Variants in HSD11B1L observed in about 807,000 individuals in gnomAD.
HSD11B1L encodes the protein hydroxysteroid 11-beta-dehydrogenase 1-like protein.
In HSD11B1L, 22 loss-of-function variants were observed where a neutral mutation model predicts 27.0. The ratio of observed to expected loss-of-function variants is 0.81; its 90% CI spans 0.58 to 1.16. The LOEUF (loss-of-function observed/expected upper bound fraction) is 1.16. HSD11B1L is among the 50% of genes most tolerant of loss of function. HSD11B1L has a pLI of 0.00. For missense variants in HSD11B1L, 372 were observed against 401.8 expected, an observed-to-expected ratio of 0.93 and a Z score of 0.63; for synonymous variants, 187 against 189.2, an observed-to-expected ratio of 0.99 and a Z score of 0.09.
rs1216216995 is a variant in HSD11B1L, at chr19:5,681,170, G to C, written c.-116G>C. 6.6e-6 allele frequency: 1 copy of C among 152,466 alleles called. No individual in the cohort carries two copies. The highest frequency in any genetic ancestry group is 1.5e-5 in the Non-Finnish European group (1 of 68,114). 9.4% of individuals were successfully genotyped at this position (152,466 alleles called of 1,614,324 possible). On this transcript the variant is annotated 5_prime_UTR_variant, in exon 1 of 8. Transcript: ENST00000339423. ...GGGAGGGGGTGCGGTCGGGGACCCG[G>C]CAGGAGGCGGCCGAGAAGAGAGGAC...
In HSD11B1L at chr19:5,688,321, C is replaced by A; in HGVS notation, c.*376C>A. On this transcript the variant is annotated 3_prime_UTR_variant, in exon 8 of 8. Transcript: ENST00000339423. ...CCTTTAAGTCCCTGATTTATTCTTTCCATTCATTCCATCTGGGAGGAACCC... is the reference window on the plus strand; with the variant it reads ...CCTTTAAGTCCCTGATTTATTCTTTACATTCATTCCATCTGGGAGGAACCC... The A allele has an allele frequency of 3.6e-6, 3 of 835,062 alleles. No homozygotes were observed. The highest frequency in any genetic ancestry group is 3.6e-6 in the Non-Finnish European group (2 of 549,304). The allele number at this position is 835,062 out of a possible 1,614,324, so 51.7% of individuals were successfully genotyped here.
chr19:5,686,270 A>T, intron 3 of HSD11B1L, 146 bp from the exon 4 acceptor site: 1 of 592,308 alleles, frequency 1.7e-6, no homozygotes, highest in Non-Finnish European at 2.9e-6. Flanking sequence ...GCAGTGGTAA[A>T]TTTTTGGGAA....
In HSD11B1L at chr19:5,687,086, G is replaced by A; in HGVS notation, c.408+95G>A. 1 of 1,234,696 alleles carries A rather than the reference G, an allele frequency of 8.1e-7. No individual in the cohort carries two copies. The highest frequency in any genetic ancestry group is 1.1e-6 in the Non-Finnish European group (1 of 882,952). 76.5% of individuals were successfully genotyped at this position (1,234,696 alleles called of 1,614,324 possible). A position where few individuals can be genotyped will look rare whatever the true frequency, so the allele number is the denominator to read the frequency against. The stretch of plus-strand genomic sequence containing the variant: ...TCCGGGTTCTGCCTTCTCCAGGGAG[G>A]GCTCTCCACCCGTCCCGCCCCAGCC... On this transcript the variant is annotated intron_variant, in intron 5 of 7. Coordinates refer to ENST00000339423, the MANE Select transcript of HSD11B1L (RefSeq NM_198706.3). The surrounding 1 kb of genome is among the most constrained non-coding windows in gnomAD (Gnocchi z 6.6).
In HSD11B1L at chr19:5,688,133, G is replaced by T; in HGVS notation, c.*188G>T. On this transcript the variant is annotated 3_prime_UTR_variant, in exon 8 of 8. Transcript: ENST00000339423. ...ACCAGTCACGGCTTGGGAGGTGCAG[G>T]TGCCCCGTGTTAGGCGCCTTTGTCG... The T allele has an allele frequency of 6.4e-7, 1 of 1,551,238 alleles. No individual in the cohort carries two copies. The highest frequency in any genetic ancestry group is 1.4e-5 in the African/African-American group (1 of 73,178).
chr19:5,687,255 C>T lies in HSD11B1L; in HGVS notation c.409-27C>T, dbSNP rs1301283580. 1 of 1,609,176 alleles carries T rather than the reference C, an allele frequency of 6.2e-7. No individual in the cohort carries two copies. Among genetic ancestry groups the T allele is most frequent in the Admixed American group, 1.7e-5 (1 of 59,864 alleles). On this transcript the variant is annotated intron_variant, in intron 5 of 7. Coordinates refer to ENST00000339423, the MANE Select transcript of HSD11B1L (RefSeq NM_198706.3). The surrounding 1 kb of genome is among the most constrained non-coding windows in gnomAD (Gnocchi z 6.6). ...GCCCTGCCCCTGGGCTCCGCCTCTG[C>T]CGGTGACTCGCGAGTGCCGCCTGCA... is the stretch of plus-strand genomic sequence containing the variant.
chr19:5,685,277 G>A lies in HSD11B1L; in HGVS notation c.204+158G>A, dbSNP rs566574900. 3.6e-3 allele frequency: 3,772 copies of A among 1,050,890 alleles called. 19 individuals carry two copies. Among genetic ancestry groups the A allele is most frequent in the Non-Finnish European group, 4.5e-3 (3,205 of 704,414 alleles). The allele number at this position is 1,050,890 out of a possible 1,614,324, so 65.1% of individuals were successfully genotyped here. A position where few individuals can be genotyped will look rare whatever the true frequency, so the allele number is the denominator to read the frequency against. On this transcript the variant is annotated intron_variant, in intron 3 of 7. Transcript: ENST00000339423. This position sits in a 1 kb window ranked among gnomAD's most constrained non-coding sequence, Gnocchi z 4.3. ...TCAGTTTCCTCATTTGCAAAACGGG[G>A]ACAATAAAACCACTTTCTGGCCAGG... is the stretch of plus-strand genomic sequence containing the variant.
chr19:5,685,537 C>T lies in HSD11B1L; in HGVS notation c.204+418C>T, dbSNP rs2054666284. On this transcript the variant is annotated intron_variant, in intron 3 of 7. Transcript: ENST00000339423. This position sits in a 1 kb window ranked among gnomAD's most constrained non-coding sequence, Gnocchi z 4.3. ...AACCAGCCTGGCCAACATGGTGAAA[C>T]CCTGTCTCTACTAAAAATACAAAAA... 4.8e-6 allele frequency: 1 copy of T among 210,036 alleles called. No homozygotes were observed. The allele number at this position is 210,036 out of a possible 1,614,324, so 13.0% of individuals were successfully genotyped here.
chr19:5,687,911 G>T lies in HSD11B1L; in HGVS notation c.827G>T (p.Arg276Leu), dbSNP rs186351373. The T allele has an allele frequency of 2.5e-6, 4 of 1,571,870 alleles. No homozygotes were observed. In the African/African-American group the frequency reaches 5.4e-5, roughly 21 times the overall value. ...CCGCGCCCGCGGGCCTGGTTTATCC[G>T]CCAGGAGCTCAACGTCACGGCCGCG... ...WLPRPRAWFI[R>L]QELNVTAAAA Residue 276 changes from arginine (R) to leucine (L), a missense_variant, in exon 8 of 8, where the codon CGC becomes CTC. Transcript: ENST00000339423. The surrounding 1 kb of genome is among the most constrained non-coding windows in gnomAD (Gnocchi z 6.6).
At chr19:5,684,491 G>A in intron 1 of HSD11B1L, 1 of 488,332 alleles carries the variant, frequency 2.0e-6, no homozygotes, top group Non-Finnish European at 3.7e-6. Flanking sequence ...AGCGGAGTGA[G>A]CAAGGAGGAC....
chr19:5,682,420 GGAGA>G (rs1179753744), intron 1 of HSD11B1L, among the ~76,000 whole-genome samples: 1 of 152,056 alleles, frequency 6.6e-6, no homozygotes, highest in Non-Finnish European at 1.5e-5. Flanking sequence ...TGGGAGTCCT[GGAGA>G]GAGAGAGGAA....
rs907030316 is a variant in HSD11B1L at position 5,685,080 on chromosome 19, C to T, written c.165C>T (p.His55=). 3.2e-6 allele frequency: 5 copies of T among 1,551,948 alleles called. No individual in the cohort carries two copies. In the East Asian group the frequency reaches 7.3e-5, roughly 23 times the overall value. The part of the protein sequence containing the change: ...LAYHYARLGS[H]LVLTAHTEAL... ...ATCACTACGCGCGTCTGGGCTCCCA[C>T]CTGGTGCTCACTGCCCACACTGAGG... Residue 55 remains histidine, a synonymous_variant, in exon 3 of 8, where the codon CAC becomes CAT. Coordinates refer to ENST00000339423, the MANE Select transcript of HSD11B1L (RefSeq NM_198706.3). The surrounding 1 kb of genome is among the most constrained non-coding windows in gnomAD (Gnocchi z 4.3).
rs528978775 is a variant in HSD11B1L, at chr19:5,685,599, G to A, written c.204+480G>A. On this transcript the variant is annotated intron_variant, in intron 3 of 7. Transcript: ENST00000339423. This position sits in a 1 kb window ranked among gnomAD's most constrained non-coding sequence, Gnocchi z 4.3. ...ATAAATAAATAAAAAATTAGCCGGC[G>A]TGGTGTCAGGCACCTGTAATCCCAG... 33 of 187,770 alleles carry A rather than the reference G, an allele frequency of 1.8e-4. No homozygotes were observed. The highest frequency in any genetic ancestry group is 4.8e-4 in the South Asian group (6 of 12,580). The allele number at this position is 187,770 out of a possible 1,614,324, so 11.6% of individuals were successfully genotyped here.
Position 5,686,992 on chromosome 19 carries a change from G to A in HSD11B1L, c.408+1G>A, listed in dbSNP as rs1465107076. ...CCAGGCAACTCGCTGGCTCATGCAG[G>A]TGCTCCGCTCCTCCGCGGCCCCGGC... On this transcript the variant is annotated splice_donor_variant, in intron 5 of 7. Coordinates refer to ENST00000339423, the MANE Select transcript of HSD11B1L (RefSeq NM_198706.3). LOFTEE classifies it high-confidence loss of function. The A allele has an allele frequency of 6.5e-7, 1 of 1,544,464 alleles. No individual in the cohort carries two copies. The highest frequency in any genetic ancestry group is 2.0e-5 in the Admixed American group (1 of 50,968).
In HSD11B1L at chr19:5,687,500, C is replaced by T; in HGVS notation, c.503-3C>T. 6.3e-7 allele frequency: 1 copy of T among 1,595,204 alleles called. No individual in the cohort carries two copies. The highest frequency in any genetic ancestry group is 8.5e-7 in the Non-Finnish European group (1 of 1,176,906). On this transcript the variant is annotated splice_region_variant and splice_polypyrimidine_tract_variant and intron_variant, in intron 6 of 7. Transcript: ENST00000339423. The surrounding 1 kb of genome is among the most constrained non-coding windows in gnomAD (Gnocchi z 6.6). The stretch of plus-strand genomic sequence containing the variant: ...ACTCAGCCGCTGCCGTCCGCGCCCC[C>T]AGGCCGCGTGCCCACGTCGTTCTCC...
At chr19:5,681,694 T>C (rs755001969) in intron 1 of HSD11B1L, among the ~76,000 whole-genome samples, 56 of 148,536 alleles carry the variant, frequency 3.8e-4, no homozygotes, top group Non-Finnish European at 6.7e-4. Context: ...ATCCATCCAT[T>C]TATGTGTTCC....
chr19:5,685,493 C>T lies in HSD11B1L; in HGVS notation c.204+374C>T. The T allele has an allele frequency of 2.9e-6, 1 of 345,504 alleles. No individual in the cohort carries two copies. Among genetic ancestry groups the T allele is most frequent in the Non-Finnish European group, 5.7e-6 (1 of 176,140 alleles). The allele number at this position is 345,504 out of a possible 1,614,324, so 21.4% of individuals were successfully genotyped here. On this transcript the variant is annotated intron_variant, in intron 3 of 7. Coordinates refer to ENST00000339423, the MANE Select transcript of HSD11B1L (RefSeq NM_198706.3). The surrounding 1 kb of genome is among the most constrained non-coding windows in gnomAD (Gnocchi z 4.3). ...TTGGGAGGCCAAGGCGGATGGATCA[C>T]TTGAGGTCAGGAGTTCAAAACCAGC...
chr19:5,682,790 C>G (rs2054589223), intron 1 of HSD11B1L, among the ~76,000 whole-genome samples: 1 of 151,554 alleles, frequency 6.6e-6, no homozygotes, highest in Admixed American at 6.6e-5. Context: ...CTGGAAGTCC[C>G]CTTCCCCTTG....
chr19:5,685,182 G>A lies in HSD11B1L; in HGVS notation c.204+63G>A. 6.6e-7 allele frequency: 1 copy of A among 1,526,526 alleles called. No homozygotes were observed. The highest frequency in any genetic ancestry group is 8.8e-7 in the Non-Finnish European group (1 of 1,137,752). The allele number at this position is 1,526,526 out of a possible 1,614,324, so 94.6% of individuals were successfully genotyped here. A position where few individuals can be genotyped will look rare whatever the true frequency, so the allele number is the denominator to read the frequency against. ...TCATGGGGGGTGGGAAGAGAGCCTG[G>A]GTTTAATCCCTGCAATGATCCAGGC... is the stretch of plus-strand genomic sequence containing the variant. On this transcript the variant is annotated intron_variant, in intron 3 of 7. Transcript: ENST00000339423. This position sits in a 1 kb window ranked among gnomAD's most constrained non-coding sequence, Gnocchi z 4.3.
Position 5,687,185 on chromosome 19 carries a change from C to T in HSD11B1L, c.409-97C>T. On this transcript the variant is annotated intron_variant, in intron 5 of 7. Transcript: ENST00000339423. This position sits in a 1 kb window ranked among gnomAD's most constrained non-coding sequence, Gnocchi z 6.6. ...GACCCGCCTTCCGGGTTTCTGGCCC[C>T]GTCTCTGACCCGGCCCTGGCCCCGC... 1 of 1,365,008 alleles carries T rather than the reference C, an allele frequency of 7.3e-7. No homozygotes were observed. Among genetic ancestry groups the T allele is most frequent in the Non-Finnish European group, 1.0e-6 (1 of 991,256 alleles). 84.6% of individuals were successfully genotyped at this position (1,365,008 alleles called of 1,614,324 possible). A position where few individuals can be genotyped will look rare whatever the true frequency, so the allele number is the denominator to read the frequency against.
Sources: allele counts gnomAD v4.1 joint callset (sites outside exome capture counted in the v4.1 genomes callset), GRCh38; gene constraint gnomAD v4.1.1; non-coding constraint Gnocchi (gnomAD v3.1); transcripts MANE v1.5; gene names NCBI Gene and HGNC (gene_info 2026-07-23, HGNC 2026-07-21).